Variants in FSTL4 observed in about 807,000 individuals in gnomAD.
FSTL4 encodes the protein follistatin like 4.
Under a neutral mutation model 78.2 loss-of-function variants are expected in FSTL4, and 28 were observed. The observed-to-expected ratio is 0.36, with a 90% CI of 0.27 to 0.49. The LOEUF (loss-of-function observed/expected upper bound fraction) is 0.49, where lower values mean the gene tolerates loss of function less well. Ranked by LOEUF, FSTL4 falls within the 20% of genes least tolerant of loss-of-function variation. FSTL4 has a pLI of 0.98. For missense variants in FSTL4, 922 were observed against 1,084.9 expected (o/e 0.85, Z 2.11); for synonymous variants, 422 against 440.5 (o/e 0.96, Z 0.53).
intron 4 of FSTL4, among the ~76,000 whole-genome samples, chr5:133,325,982 T>C (rs963658188): frequency 2.0e-5 from 3 of 152,238 alleles, no homozygotes; most frequent in Non-Finnish European, 4.4e-5. Flanking sequence ...CTGGCACCCA[T>C]GTTATATAGC....
At chr5:133,215,335 CCA>C (rs1322069280) in intron 13 of FSTL4, among the ~76,000 whole-genome samples, 1 of 152,188 alleles carries the variant, frequency 6.6e-6, no homozygotes, top group Non-Finnish European at 1.5e-5. Flanking sequence ...GTAATTTCAT[CCA>C]GTTTCCTGGA....
chr5:133,711,619 G>A, the FSTL4 span, among the ~76,000 whole-genome samples: 1 of 152,238 alleles, frequency 6.6e-6, no homozygotes, highest in Non-Finnish European at 1.5e-5. Flanking sequence ...ACTGGTGACA[G>A]ACACAGAGCT....
chr5:133,210,219 T>C lies in FSTL4; in HGVS notation c.1688A>G (p.Asp563Gly). Residue 563 changes from aspartate (D) to glycine (G), a missense_variant, in exon 14 of 16, where the codon GAC (aspartate) becomes GGC (glycine). By Grantham distance (94) the Asp-to-Gly change is moderately conservative. Coordinates refer to ENST00000265342, the MANE Select transcript of FSTL4 (RefSeq NM_015082.2). ...GAGACTTGGTCGGGACTTGTGCACG[T>C]CCCCCCAGCTCAGGACCCACACTTG... ...HDQVWVLSWG[D>G]VHKSRPSLQV... The C allele has an allele frequency of 6.2e-7, 1 of 1,609,480 alleles. No homozygotes were observed. Among genetic ancestry groups the C allele is most frequent in the Non-Finnish European group, 8.5e-7 (1 of 1,176,048 alleles).
At chr5:133,599,379 G>T (rs1001111213) in intron 2 of FSTL4, among the ~76,000 whole-genome samples, 1 of 152,062 alleles carries the variant, frequency 6.6e-6, no homozygotes, top group Non-Finnish European at 1.5e-5. Flanking sequence ...GACCCCTGAG[G>T]TTAGGGAGGC....
the FSTL4 span, among the ~76,000 whole-genome samples, chr5:133,770,699 C>T: frequency 6.6e-6 from 1 of 152,130 alleles, no homozygotes; most frequent in African/African-American, 2.4e-5. Flanking sequence ...GTTTCTTCTG[C>T]TGTGCAGAAG....
chr5:133,819,396 A>G, the FSTL4 span, among the ~76,000 whole-genome samples: 486 of 151,562 alleles, frequency 3.2e-3, 6 homozygotes, highest in Non-Finnish European at 5.8e-3. Flanking sequence ...CTGCTCCTCC[A>G]CTCTGCTCAG....
intron 3 of FSTL4, among the ~76,000 whole-genome samples, chr5:133,545,991 T>A (rs900134611): frequency 1.3e-5 from 2 of 152,266 alleles, no homozygotes; most frequent in African/African-American, 2.4e-5. Context: ...ATTGTGTTCA[T>A]GCCCTAGGGC....
At chr5:133,321,955 T>G (rs1754067877) in intron 4 of FSTL4, among the ~76,000 whole-genome samples, 1 of 152,230 alleles carries the variant, frequency 6.6e-6, no homozygotes, top group Non-Finnish European at 1.5e-5. Context: ...GAAAGTCATT[T>G]CAGTGTTTTC....
the FSTL4 span, among the ~76,000 whole-genome samples, chr5:133,835,172 A>G: frequency 6.6e-6 from 1 of 152,166 alleles, no homozygotes; most frequent in Non-Finnish European, 1.5e-5. Flanking sequence ...TCATCACTGC[A>G]TGGATGAACA....
chr5:133,780,039 C>T, the FSTL4 span, among the ~76,000 whole-genome samples: 28 of 152,182 alleles, frequency 1.8e-4, no homozygotes, highest in Non-Finnish European at 3.2e-4. Context: ...GCATGGGTCA[C>T]TCCTGGAGCC....
chr5:133,322,199 A>C (rs1002998899), intron 4 of FSTL4, among the ~76,000 whole-genome samples: 6 of 150,176 alleles, frequency 4.0e-5, no homozygotes, highest in African/African-American at 1.5e-4. Context: ...CGTCTGTAGG[A>C]AGCTTGTCCA....
At chr5:133,783,016 T>G in the FSTL4 span, among the ~76,000 whole-genome samples, 1 of 152,212 alleles carries the variant, frequency 6.6e-6, no homozygotes, top group African/African-American at 2.4e-5. Context: ...ATGTCAATTC[T>G]CAGCACCGTC....
chr5:133,697,850 C>G, the FSTL4 span, among the ~76,000 whole-genome samples: 1 of 152,182 alleles, frequency 6.6e-6, no homozygotes, highest in African/African-American at 2.4e-5. Flanking sequence ...CAGATAATTT[C>G]CTGCTGGAGG....
rs1391154702 is a variant in FSTL4, at chr5:133,233,473, G to A, written c.959C>T (p.Thr320Ile). Residue 320 changes from threonine to isoleucine, a missense_variant, in exon 8 of 16, where the codon ACC becomes ATC. Transcript: ENST00000265342. ...CTGCTCGTGGCCGGAAGCATGGCAG[G>A]TGTAATTGCCCATGTGGATGGTGGT... ...KVTTIHMGNYTCHASGHEQLF... is the reference protein window; with the variant it reads ...KVTTIHMGNYICHASGHEQLF... The A allele has an allele frequency of 4.3e-6, 7 of 1,614,006 alleles. No homozygotes were observed. In the Admixed American group the frequency reaches 1.2e-4, roughly 27 times the overall value.
chr5:133,665,533 C>G, the FSTL4 span, among the ~76,000 whole-genome samples: 1 of 152,132 alleles, frequency 6.6e-6, no homozygotes, highest in Non-Finnish European at 1.5e-5. Context: ...GGTGCTTGCC[C>G]CTAAGAATAA....
chr5:133,350,333 G>A (rs1754795853), intron 4 of FSTL4, among the ~76,000 whole-genome samples: 2 of 110,162 alleles, frequency 1.8e-5, no homozygotes, highest in South Asian at 6.0e-4. Context: ...AACCCCTTCT[G>A]GGGACCAGCA....
the FSTL4 span, among the ~76,000 whole-genome samples, chr5:133,816,356 A>G: frequency 6.6e-6 from 1 of 152,120 alleles, no homozygotes; most frequent in South Asian, 2.1e-4. Flanking sequence ...TACACTGTCC[A>G]GGTGACCTGC....
chr5:133,607,128 T>C (rs1381637386), intron 1 of FSTL4, among the ~76,000 whole-genome samples: 1 of 152,242 alleles, frequency 6.6e-6, no homozygotes, highest in Non-Finnish European at 1.5e-5. Context: ...GCAGCTTGTT[T>C]GTAAAGTTTA....
the FSTL4 span, among the ~76,000 whole-genome samples, chr5:133,780,932 C>T: frequency 6.6e-6 from 1 of 152,198 alleles, no homozygotes; most frequent in Non-Finnish European, 1.5e-5. Context: ...GGAGAAAACA[C>T]TCAGAGAGGT....
Sources: allele counts gnomAD v4.1 joint callset (sites outside exome capture counted in the v4.1 genomes callset), GRCh38; gene constraint gnomAD v4.1.1; transcripts MANE v1.5; gene names NCBI Gene and HGNC (gene_info 2026-07-23, HGNC 2026-07-21).